Variants in HPSE observed in about 807,000 individuals in gnomAD.
The protein encoded by HPSE is heparanase.
HPSE carries 48 observed loss-of-function variants against 65.1 expected under a neutral mutation model. The observed-to-expected ratio is 0.74, with a 90% CI of 0.58 to 0.94. The LOEUF is 0.94. HPSE is among the 40% of genes least tolerant of loss of function. The pLI, the probability that HPSE is intolerant of heterozygous loss-of-function variation, is 0.00. For synonymous variants in HPSE, 243 were observed against 260.0 expected, an observed-to-expected ratio of 0.93 and a Z score of 0.63; for missense variants, 644 against 637.5, an observed-to-expected ratio of 1.01 and a Z score of -0.11.
rs1160552833 is a variant in HPSE at position 83,334,804 on chromosome 4, C to T, written c.-22G>A. The T allele has an allele frequency of 2.7e-6, 4 of 1,491,446 alleles. No homozygotes were observed. Among genetic ancestry groups the T allele is most frequent in the Admixed American group, 2.4e-5 (1 of 42,382 alleles). 92.4% of individuals were successfully genotyped at this position (1,491,446 alleles called of 1,614,324 possible). A position where few individuals can be genotyped will look rare whatever the true frequency, so the allele number is the denominator to read the frequency against. On this transcript the variant is annotated 5_prime_UTR_variant, in exon 1 of 12. Coordinates refer to ENST00000311412, the MANE Select transcript of HPSE (RefSeq NM_001098540.3). Reference sequence around the variant, plus strand: ...GCATCTTGGGCTCACCTGGCTGCTCCCCCCGCCAGCTGCCGCGCAGCGGAG... The same window carrying T: ...GCATCTTGGGCTCACCTGGCTGCTCTCCCCGCCAGCTGCCGCGCAGCGGAG...
chr4:83,308,768 G>A (rs1451781540), intron 8 of HPSE, 77 bp downstream of exon 8: 2 of 1,089,106 alleles, frequency 1.8e-6, no homozygotes, highest in Non-Finnish European at 2.8e-6. Context: ...CTTTTTGGCT[G>A]GGGAGCTATT....
At chr4:83,303,375 T>C (rs565016098) in intron 9 of HPSE, among the ~76,000 whole-genome samples, 2 of 152,176 alleles carry the variant, frequency 1.3e-5, no homozygotes, top group South Asian at 4.1e-4. Context: ...TTAAGAGACT[T>C]ATCAACCAAA....
Position 83,314,257 on chromosome 4 carries a change from C to CAA in HPSE, c.500-972_500-971dup, listed in dbSNP as rs11347608. Among the ~76,000 whole-genome samples, 123 of 98,246 alleles carry CAA rather than the reference C, an allele frequency of 1.3e-3. 4 individuals are homozygous for CAA. The highest frequency in any genetic ancestry group is 4.3e-3 in the East Asian group (10 of 2,332). 64.5% of individuals were successfully genotyped at this position (98,246 alleles called of 152,430 possible). ...TGGGCAACAGAATGAGATCCTGTCT[C>CAA]AAAAAAAAAAACAAAAAAACAAACA... On this transcript the variant is annotated intron_variant, in intron 3 of 11. Transcript: ENST00000311412.
chr4:83,301,065 T>C lies in HPSE; in HGVS notation c.1367A>G (p.Asn456Ser). The change falls in exon 11 of 12, where the codon AAC becomes AGC. Residue 456 changes from asparagine (N) to serine (S), a missense_variant. By Grantham distance (46) the Asn-to-Ser change is conservative. Coordinates refer to ENST00000311412, the MANE Select transcript of HPSE (RefSeq NM_001098540.3). ...KEGDLTLYAI[N>S]LHNVTKYLRL... ...CAAGTACTTGGTGACATTATGGAGGTTTATGGCATACAGAGTTAAATCTCC... is the reference window on the plus strand; with the variant it reads ...CAAGTACTTGGTGACATTATGGAGGCTTATGGCATACAGAGTTAAATCTCC... 1 of 1,605,940 alleles carries C rather than the reference T, an allele frequency of 6.2e-7. No homozygotes were observed. Among genetic ancestry groups the C allele is most frequent in the Non-Finnish European group, 8.5e-7 (1 of 1,175,472 alleles).
At chr4:83,309,021 G>T in intron 7 of HPSE, 70 bp from the exon 8 acceptor site, 1 of 1,188,472 alleles carries the variant, frequency 8.4e-7, no homozygotes, top group Non-Finnish European at 1.2e-6. Flanking sequence ...TGGTGTTGAA[G>T]ATTAACAGCA....
At chr4:83,310,989 CA>C (rs1736346913) in intron 4 of HPSE, 99 bp from the exon 5 acceptor site, 1 of 1,010,168 alleles carries the variant, frequency 9.9e-7, no homozygotes. Context: ...TTCCAAATTA[CA>C]AAAACTTGTA....
At chr4:83,333,799 T>C (rs973010542) in intron 1 of HPSE, among the ~76,000 whole-genome samples, 31 of 150,608 alleles carry the variant, frequency 2.1e-4, no homozygotes, top group African/African-American at 7.3e-4. Flanking sequence ...ATTTATTGAA[T>C]ATTTAGATTT....
Position 83,334,737 on chromosome 4 carries a change from G to A in HPSE, c.46C>T (p.Leu16=), listed in dbSNP as rs889239151. 1 of 1,559,354 alleles carries A rather than the reference G, an allele frequency of 6.4e-7. No individual in the cohort carries two copies. Among genetic ancestry groups the A allele is most frequent in the African/African-American group, 1.4e-5 (1 of 73,596 alleles). Residue 16 remains leucine, a synonymous_variant, in exon 1 of 12, where the codon CTG becomes TTG. Transcript: ENST00000311412. ...KPALPPPLML[L]LLGPLGPLSP... ...AGGGGACCCAGCGGCCCCAGGAGCA[G>A]CAGCATCAGCGGCGGCGGCAGCGCA...
intron 11 of HPSE, among the ~76,000 whole-genome samples, chr4:83,296,351 CA>C (rs1246784756): frequency 6.6e-6 from 1 of 152,050 alleles, no homozygotes; most frequent in East Asian, 1.9e-4. Context: ...ATATTGTCAA[CA>C]AAGTTAGCAC....
rs747117696 is a variant in HPSE, at chr4:83,322,219, C to T, written c.373G>A (p.Asp125Asn). Residue 125 changes from aspartate to asparagine, a missense_variant and splice_region_variant, in exon 2 of 12, where the codon GAT becomes AAT. Coordinates refer to ENST00000311412, the MANE Select transcript of HPSE (RefSeq NM_001098540.3). ...RSYWQSQVNQ[D>N]ICKYGSIPPD... The stretch of plus-strand genomic sequence containing the variant: ...AGAGTGAATCTTTAAAAATTTTCAC[C>T]CTGGTTGACTTGAGATTGCCAGTAA... 3 of 1,611,094 alleles carry T rather than the reference C, an allele frequency of 1.9e-6. No individual in the cohort carries two copies. Among genetic ancestry groups the T allele is most frequent in the South Asian group, 2.2e-5 (2 of 90,466 alleles).
Position 83,292,521 on chromosome 4 carries a change from A to T in HPSE, c.*2823T>A, listed in dbSNP as rs1735586450. ...AAATATAAAAACCACTTACATATAA[A>T]ATTTAAGAGTATTGAAAGATCTAAA... is the stretch of plus-strand genomic sequence containing the variant. On this transcript the variant is annotated 3_prime_UTR_variant, in exon 12 of 12. Coordinates refer to ENST00000311412, the MANE Select transcript of HPSE (RefSeq NM_001098540.3). The T allele has an allele frequency of 6.6e-6, 1 of 152,248 alleles. No individual in the cohort carries two copies. Among genetic ancestry groups the T allele is most frequent in the Admixed American group, 6.5e-5 (1 of 15,284 alleles). 9.4% of individuals were successfully genotyped at this position (152,248 alleles called of 1,614,324 possible). A position where few individuals can be genotyped will look rare whatever the true frequency, so the allele number is the denominator to read the frequency against.
At chr4:83,316,426 T>C (rs1017490123) in intron 3 of HPSE, among the ~76,000 whole-genome samples, 2 of 152,186 alleles carry the variant, frequency 1.3e-5, no homozygotes, top group African/African-American at 4.8e-5. Context: ...CAATTCATTA[T>C]CTTATTCCCA....
chr4:83,300,987 G>A lies in HPSE; in HGVS notation c.1445C>T (p.Pro482Leu), dbSNP rs931638527. The A allele has an allele frequency of 1.2e-6, 2 of 1,602,498 alleles. No individual in the cohort carries two copies. Among genetic ancestry groups the A allele is most frequent in the Non-Finnish European group, 1.7e-6 (2 of 1,174,302 alleles). ...NKQVDKYLLR[P>L]LGPHGLLSKS... Reference sequence around the variant, plus strand: ...GGAAAGTAATCCATGAGGTCCCAAAGGTCTTAGAAGGTATTTATCCACTTG... The same window carrying A: ...GGAAAGTAATCCATGAGGTCCCAAAAGTCTTAGAAGGTATTTATCCACTTG... Residue 482 changes from proline to leucine, a missense_variant, in exon 11 of 12, where the codon CCT becomes CTT. By Grantham distance (98) the Pro-to-Leu change is moderately conservative (BLOSUM62 -3). Transcript: ENST00000311412.
intron 3 of HPSE, among the ~76,000 whole-genome samples, chr4:83,314,257 CAA>C (rs11347608): frequency 2.0e-5 from 2 of 98,270 alleles, no homozygotes; most frequent in East Asian, 4.3e-4. Context: ...GATCCTGTCT[CAA>C]AAAAAAAAAC....
At chr4:83,313,401 T>C in intron 3 of HPSE, 114 bp from the exon 4 acceptor site, 1 of 629,254 alleles carries the variant, frequency 1.6e-6, no homozygotes, top group Non-Finnish European at 2.6e-6. Flanking sequence ...AAATTCTAGT[T>C]CTAATAAATG....
Position 83,309,416 on chromosome 4 carries a change from G to T in HPSE, c.970C>A (p.Gln324Lys), listed in dbSNP as rs761372448. ...AAGACTATTACCTGGAAAACTTTTT[G>T]CACAGATGAAATAAAAATGTCCAAT... ...DVLDIFISSV[Q>K]KVFQVVESTR... Residue 324 changes from glutamine to lysine, a missense_variant, in exon 7 of 12, where the codon CAA becomes AAA. Transcript: ENST00000311412. 1 of 1,571,088 alleles carries T rather than the reference G, an allele frequency of 6.4e-7. No individual in the cohort carries two copies. The highest frequency in any genetic ancestry group is 8.7e-7 in the Non-Finnish European group (1 of 1,150,790).
In HPSE at chr4:83,313,436, C is replaced by A. The variant is rs180902878; in HGVS notation, c.500-149G>T. ...GATTATAATTATGTTTTTGAGACAA[C>A]AAAATTGGACAAATTAAAAAAAATC... On this transcript the variant is annotated intron_variant, in intron 3 of 11. Transcript: ENST00000311412. 5,697 of 543,734 alleles carry A rather than the reference C, an allele frequency of 0.01. 261 individuals carry two copies. In the African/African-American group the frequency reaches 0.12, roughly 11 times the overall value. The allele number at this position is 543,734 out of a possible 1,614,324, so 33.7% of individuals were successfully genotyped here.
chr4:83,310,111 A>G (rs1311409722), intron 5 of HPSE, 33 bp from the exon 6 acceptor site: 48 of 1,403,162 alleles, frequency 3.4e-5, no homozygotes, highest in Non-Finnish European at 4.7e-5. Context: ...ACTCAGTCAT[A>G]TAATACATAT....
At chr4:83,317,612 T>C (rs975445824) in intron 3 of HPSE, among the ~76,000 whole-genome samples, 1 of 152,190 alleles carries the variant, frequency 6.6e-6, no homozygotes, top group East Asian at 1.9e-4. Context: ...GAAAGCCAAG[T>C]CCTGGAGTTG....
Sources: allele counts gnomAD v4.1 joint callset (sites outside exome capture counted in the v4.1 genomes callset), GRCh38; gene constraint gnomAD v4.1.1; transcripts MANE v1.5; gene names NCBI Gene and HGNC (gene_info 2026-07-23, HGNC 2026-07-21).